VKORC1L1: variants seen among roughly 807,000 people sequenced by gnomAD.
VKORC1L1 encodes the protein vitamin K epoxide reductase complex subunit 1-like protein 1.
In VKORC1L1, 2 loss-of-function variants were observed where a neutral mutation model predicts 18.9. That is an observed-to-expected ratio of 0.11 (90% CI 0.04 to 0.33). VKORC1L1 has a LOEUF of 0.33. VKORC1L1 is among the 10% of genes least tolerant of loss of function. The pLI, the probability that VKORC1L1 is intolerant of heterozygous loss-of-function variation, is 1.00. For missense variants in VKORC1L1, 123 were observed against 224.1 expected (o/e 0.55, Z 2.88); for synonymous variants, 96 against 100.0 (o/e 0.96, Z 0.24).
chr7:65,953,939 G>C (rs773525355), intron 2 of VKORC1L1, 135 bp from the exon 3 acceptor site: 8 of 725,752 alleles, frequency 1.1e-5, no homozygotes, highest in Non-Finnish European at 1.8e-5. Context: ...CAGTATTTCT[G>C]TTCTCAATTT....
chr7:65,951,560 C>A (rs746819618), intron 2 of VKORC1L1, among the ~76,000 whole-genome samples: 2 of 149,424 alleles, frequency 1.3e-5, no homozygotes, highest in African/African-American at 4.9e-5. Context: ...GGTGACAGAG[C>A]GAGACTCCTT....
the VKORC1L1 span, among the ~76,000 whole-genome samples, chr7:65,867,455 C>T: frequency 2.0e-5 from 3 of 149,196 alleles, no homozygotes; most frequent in Non-Finnish European, 4.5e-5. Context: ...TTAAAATCAT[C>T]TTTTTTTTTT....
chr7:65,951,360 G>C (rs904537474), intron 2 of VKORC1L1, among the ~76,000 whole-genome samples: 6 of 152,082 alleles, frequency 3.9e-5, no homozygotes, highest in African/African-American at 1.4e-4. Context: ...TGGATCACGA[G>C]GTCAGGAGTT....
chr7:65,907,987 ACAAG>A (rs1789433838), intron 1 of VKORC1L1, among the ~76,000 whole-genome samples: 1 of 152,142 alleles, frequency 6.6e-6, no homozygotes, highest in Admixed American at 6.5e-5. Flanking sequence ...TACTGGGAAA[ACAAG>A]CAAGCAGTGT....
intron 1 of VKORC1L1, among the ~76,000 whole-genome samples, chr7:65,947,918 T>G (rs138117703): frequency 2.0e-5 from 3 of 152,316 alleles, no homozygotes; most frequent in Non-Finnish European, 2.9e-5. Flanking sequence ...CTCGAACTCT[T>G]GACCTTGTGA....
At chr7:65,875,708 C>T (rs1370446459) in intron 1 of VKORC1L1, among the ~76,000 whole-genome samples, 1 of 152,130 alleles carries the variant, frequency 6.6e-6, no homozygotes, top group Non-Finnish European at 1.5e-5. Context: ...TGAGCCACCG[C>T]GCCTAGCCTG....
chr7:65,918,780 G>A (rs1427048057), intron 1 of VKORC1L1, among the ~76,000 whole-genome samples: 2 of 152,158 alleles, frequency 1.3e-5, no homozygotes, highest in African/African-American at 4.8e-5. Context: ...ATATCTGAAG[G>A]CAAAGGAAGA....
intron 1 of VKORC1L1, among the ~76,000 whole-genome samples, chr7:65,930,342 G>A (rs905860952): frequency 1.3e-5 from 2 of 152,206 alleles, no homozygotes; most frequent in African/African-American, 4.8e-5. Flanking sequence ...AAAGACTTCA[G>A]GTGTGCCCTG....
At chr7:65,925,214 ATCTGTTCTTCCTCCTG>A (rs1273478193) in intron 1 of VKORC1L1, among the ~76,000 whole-genome samples, 2 of 152,204 alleles carry the variant, frequency 1.3e-5, no homozygotes, top group Non-Finnish European at 2.9e-5. Flanking sequence ...CAACTCAGTC[ATCTGTTCTTCCTCCTG>A]TGTTCTTTGT....
At chr7:65,911,515 C>G (rs953944250) in intron 1 of VKORC1L1, among the ~76,000 whole-genome samples, 1 of 152,228 alleles carries the variant, frequency 6.6e-6, no homozygotes, top group Non-Finnish European at 1.5e-5. Flanking sequence ...TTATTACTCT[C>G]TGTTCAGCAA....
Position 65,954,469 on chromosome 7 carries a change from T to G in VKORC1L1, c.*169T>G, listed in dbSNP as rs1790262743. 1 of 1,141,932 alleles carries G rather than the reference T, an allele frequency of 8.8e-7. No homozygotes were observed. The highest frequency in any genetic ancestry group is 1.2e-6 in the Non-Finnish European group (1 of 855,174). The allele number at this position is 1,141,932 out of a possible 1,614,324, so 70.7% of individuals were successfully genotyped here. ...AAATTAGAAGGGGCCCTCGCTATTT[T>G]CTGTGTCAGTCTTCATTTTAAATAT... On this transcript the variant is annotated 3_prime_UTR_variant, in exon 3 of 3. Transcript: ENST00000360768.
intron 1 of VKORC1L1, among the ~76,000 whole-genome samples, chr7:65,945,218 G>A (rs906360474): frequency 6.6e-5 from 10 of 151,794 alleles, no homozygotes; most frequent in Non-Finnish European, 1.0e-4. Flanking sequence ...CTGAGATTGC[G>A]CTGCTACACT....
At chr7:65,897,101 T>G (rs1789226786) in intron 1 of VKORC1L1, among the ~76,000 whole-genome samples, 1 of 152,196 alleles carries the variant, frequency 6.6e-6, no homozygotes, top group African/African-American at 2.4e-5. Flanking sequence ...ATAGTTGCCA[T>G]GCAGCATGTT....
chr7:65,915,804 G>A (rs1304757842), intron 1 of VKORC1L1, among the ~76,000 whole-genome samples: 1 of 151,842 alleles, frequency 6.6e-6, no homozygotes, highest in Non-Finnish European at 1.5e-5. Flanking sequence ...TCATGTGTTA[G>A]CTGCAATACT....
At chr7:65,903,842 T>G (rs1789360875) in intron 1 of VKORC1L1, among the ~76,000 whole-genome samples, 1 of 151,642 alleles carries the variant, frequency 6.6e-6, no homozygotes, top group Non-Finnish European at 1.5e-5. Flanking sequence ...GTGTTGAAGT[T>G]ATTCAGGCAG....
At chr7:65,940,607 TGCTCCAGGAAG>T in intron 1 of VKORC1L1, among the ~76,000 whole-genome samples, 1 of 152,142 alleles carries the variant, frequency 6.6e-6, no homozygotes, top group Admixed American at 6.5e-5. Context: ...TCATCCAGAG[TGCTCCAGGAAG>T]GCAAGGGCTC....
upstream of VKORC1L1, among the ~76,000 whole-genome samples, chr7:65,872,243 T>C (rs1489154453): frequency 6.6e-6 from 1 of 152,336 alleles, no homozygotes; most frequent in East Asian, 1.9e-4. Flanking sequence ...TTAGCTCATC[T>C]TTATTTTTCT....
intron 1 of VKORC1L1, among the ~76,000 whole-genome samples, chr7:65,927,136 A>G (rs967066778): frequency 6.6e-6 from 1 of 152,102 alleles, no homozygotes; most frequent in Admixed American, 6.5e-5. Context: ...AAAGTACGAA[A>G]AATTGCTGGG....
intron 1 of VKORC1L1, among the ~76,000 whole-genome samples, chr7:65,915,093 CT>C (rs35662337): frequency 0.12 from 15,019 of 122,910 alleles, 552 homozygotes; most frequent in Middle Eastern, 0.21. Context: ...TTTTTTTTTT[CT>C]TTTTTTTTTT....
Sources: allele counts gnomAD v4.1 joint callset (sites outside exome capture counted in the v4.1 genomes callset), GRCh38; gene constraint gnomAD v4.1.1; transcripts MANE v1.5; gene names NCBI Gene and HGNC (gene_info 2026-07-23, HGNC 2026-07-21).